Variants in C1GALT1 observed in about 807,000 individuals in gnomAD.
C1GALT1 encodes the protein glycoprotein-N-acetylgalactosamine 3-beta-galactosyltransferase 1.
Under a neutral mutation model 31.0 loss-of-function variants are expected in C1GALT1, and 11 were observed. That is an observed-to-expected ratio of 0.36 (90% CI 0.22 to 0.59). C1GALT1 has a LOEUF of 0.59. Among genes scored for constraint, C1GALT1 ranks in the 20% least tolerant of loss-of-function variants. C1GALT1 has a pLI of 0.79. For synonymous variants in C1GALT1, 175 were observed against 143.6 expected (o/e 1.22, Z -1.56); for missense variants, 424 against 425.2 (o/e 1.00, Z 0.03).
At chr7:7,217,617 T>C (rs1021140745) in intron 1 of C1GALT1, among the ~76,000 whole-genome samples, 2 of 152,364 alleles carry the variant, frequency 1.3e-5, no homozygotes. Context: ...AGAAAACTAT[T>C]GAAAACTTAA....
At chr7:7,216,948 T>G (rs1782270809) in intron 1 of C1GALT1, among the ~76,000 whole-genome samples, 1 of 151,376 alleles carries the variant, frequency 6.6e-6, no homozygotes, top group African/African-American at 2.4e-5. Flanking sequence ...AGACCTCTTT[T>G]TCCTAAACTG....
chr7:7,206,559 C>A lies in C1GALT1; in HGVS notation c.-18+23739C>A, dbSNP rs573551885. On this transcript the variant is annotated intron_variant, in intron 1 of 3. Transcript: ENST00000436587. ...GGTATGGTGGCATACTGCTGTAATC[C>A]CAGCTACTCGGGAGGCTGAGGCAGG... Among the ~76,000 whole-genome samples the A allele has an allele frequency of 3.3e-5, 5 of 151,732 alleles. 1 individual carries two copies. The South Asian group carries it at 1.0e-3, about 32-fold the overall frequency.
intron 1 of C1GALT1, among the ~76,000 whole-genome samples, chr7:7,207,609 A>G (rs1781807588): frequency 6.6e-6 from 1 of 151,378 alleles, no homozygotes; most frequent in African/African-American, 2.4e-5. Flanking sequence ...CAGATCTACC[A>G]TCGGGTCTTT....
At chr7:7,174,700 TCA>T (rs1191240567) in intron 2 of C1GALT1, among the ~76,000 whole-genome samples, 2 of 152,254 alleles carry the variant, frequency 1.3e-5, no homozygotes, top group South Asian at 2.1e-4. Context: ...ATCTTCAAGT[TCA>T]CTGACTCTTC....
At chr7:7,189,531 A>G (rs894874592) in intron 1 of C1GALT1, among the ~76,000 whole-genome samples, 1 of 151,962 alleles carries the variant, frequency 6.6e-6, no homozygotes, top group Non-Finnish European at 1.5e-5. Context: ...ATCGTTGACC[A>G]TTTTTTACTG....
At chr7:7,187,680 T>G (rs1780882722) in intron 1 of C1GALT1, among the ~76,000 whole-genome samples, 1 of 152,032 alleles carries the variant, frequency 6.6e-6, no homozygotes, top group Admixed American at 6.6e-5. Flanking sequence ...AGCGCCAAGG[T>G]TAAGAAACCT....
chr7:7,165,898 A>G (rs1324553772), intron 2 of C1GALT1, among the ~76,000 whole-genome samples: 1 of 152,200 alleles, frequency 6.6e-6, no homozygotes, highest in African/African-American at 2.4e-5. Flanking sequence ...GTATAAAATT[A>G]CCATCAGGTT....
intron 1 of C1GALT1, among the ~76,000 whole-genome samples, chr7:7,204,816 A>C (rs1781667793): frequency 6.6e-6 from 1 of 151,998 alleles, no homozygotes; most frequent in Admixed American, 6.6e-5. Context: ...TGGTTGTTTG[A>C]TTTCCACGCA....
chr7:7,165,201 C>T (rs1273872510), intron 2 of C1GALT1, among the ~76,000 whole-genome samples: 1 of 152,106 alleles, frequency 6.6e-6, no homozygotes, highest in Non-Finnish European at 1.5e-5. Context: ...TAGGAAGGAG[C>T]TCAGGCCAGG....
intron 2 of C1GALT1, among the ~76,000 whole-genome samples, chr7:7,164,211 T>C (rs1354398090): frequency 6.6e-6 from 1 of 152,128 alleles, no homozygotes; most frequent in Non-Finnish European, 1.5e-5. Context: ...AAACAAGCAA[T>C]GGGGAAAGGA....
At chr7:7,207,195 A>C (rs1781777529) in intron 1 of C1GALT1, among the ~76,000 whole-genome samples, 1 of 151,848 alleles carries the variant, frequency 6.6e-6, no homozygotes, top group South Asian at 2.1e-4. Context: ...AAGTTCACTG[A>C]TTCTTTTTTT....
intron 2 of C1GALT1, among the ~76,000 whole-genome samples, chr7:7,175,640 G>A (rs1020638187): frequency 4.6e-5 from 7 of 152,188 alleles, no homozygotes; most frequent in African/African-American, 1.7e-4. Context: ...ACAGAGGAGA[G>A]GATCTTGCAT....
chr7:7,181,673 T>A (rs1256207806), upstream of C1GALT1, among the ~76,000 whole-genome samples: 1 of 152,150 alleles, frequency 6.6e-6, no homozygotes, highest in African/African-American at 2.4e-5. Context: ...GCCCGGGCAG[T>A]CTGATTTCAG....
intron 3 of C1GALT1, among the ~76,000 whole-genome samples, chr7:7,239,856 C>G (rs1353847899): frequency 6.6e-6 from 1 of 152,104 alleles, no homozygotes; most frequent in African/African-American, 2.4e-5. Flanking sequence ...ACAACTTGCC[C>G]TTTTCACACA....
chr7:7,179,267 C>T (rs949284652), upstream of C1GALT1, among the ~76,000 whole-genome samples: 2 of 152,196 alleles, frequency 1.3e-5, no homozygotes, highest in African/African-American at 4.8e-5. Context: ...ACATTCTATT[C>T]ATGAGAACAA....
At chr7:7,236,566 G>C (rs1340774159) in intron 2 of C1GALT1, among the ~76,000 whole-genome samples, 66 of 152,250 alleles carry the variant, frequency 4.3e-4, no homozygotes, top group Non-Finnish European at 5.9e-5. Context: ...CTGTCACCCA[G>C]GCTGGACTGC....
chr7:7,205,331 A>C (rs1290912608), intron 1 of C1GALT1, among the ~76,000 whole-genome samples: 3 of 152,200 alleles, frequency 2.0e-5, no homozygotes, highest in African/African-American at 7.2e-5. Context: ...TCTTACTGAT[A>C]ATGTAAGCAG....
At chr7:7,207,588 T>G (rs1479509773) in intron 1 of C1GALT1, among the ~76,000 whole-genome samples, 2 of 152,010 alleles carry the variant, frequency 1.3e-5, no homozygotes, top group Non-Finnish European at 2.9e-5. Flanking sequence ...TGTTTTATAG[T>G]CTTTGTTTAA....
At chr7:7,178,662 G>A (rs148396527), upstream of C1GALT1, among the ~76,000 whole-genome samples, 130 of 152,264 alleles carry the variant, frequency 8.5e-4, no homozygotes, top group African/African-American at 3.1e-3. Flanking sequence ...TAATACAGGT[G>A]TCAGGGAGCA....
Sources: gnomAD v4.1 joint callset for allele counts (sites outside exome capture counted in the v4.1 genomes callset) on GRCh38, gnomAD v4.1.1 for gene constraint, MANE v1.5 for transcripts, NCBI Gene and HGNC (gene_info 2026-07-23, HGNC 2026-07-21) for gene names.